The following BRINP3 variants were observed in gnomAD, a reference collection of about 807,000 sequenced individuals.
BRINP3 encodes the protein BMP/retinoic acid inducible neural specific 3.
In BRINP3, 19 loss-of-function variants were observed where a neutral mutation model predicts 71.0. The observed-to-expected ratio is 0.27, with a 90% CI of 0.19 to 0.39. BRINP3 has a LOEUF of 0.39. Ranked by LOEUF, BRINP3 falls within the 10% of genes least tolerant of loss-of-function variation. The pLI, the probability that BRINP3 is intolerant of heterozygous loss-of-function variation, is 1.00. For missense variants in BRINP3, 959 were observed against 940.8 expected, an observed-to-expected ratio of 1.02 and a Z score of -0.25; for synonymous variants, 380 against 337.7, an observed-to-expected ratio of 1.13 and a Z score of -1.37.
chr1:190,151,537 C>A (rs897760403), intron 7 of BRINP3, among the ~76,000 whole-genome samples: 13 of 152,138 alleles, frequency 8.5e-5, no homozygotes, highest in African/African-American at 3.1e-4. Flanking sequence ...CTTAAAGTAA[C>A]TCTCTCTATA....
intron 2 of BRINP3, among the ~76,000 whole-genome samples, chr1:190,396,848 C>A (rs1225423069): frequency 3.4e-5 from 5 of 148,644 alleles, no homozygotes; most frequent in East Asian, 2.0e-4. Flanking sequence ...AAAAGGACAA[C>A]CAAATTGATG....
At chr1:190,366,312 C>T (rs1040537418) in intron 2 of BRINP3, among the ~76,000 whole-genome samples, 3 of 152,046 alleles carry the variant, frequency 2.0e-5, no homozygotes, top group South Asian at 2.1e-4. Context: ...AAGTGCTGAG[C>T]AAAGGGGGAA....
At chr1:190,126,122 T>G (rs1354624380) in intron 7 of BRINP3, among the ~76,000 whole-genome samples, 1 of 152,004 alleles carries the variant, frequency 6.6e-6, no homozygotes, top group African/African-American at 2.4e-5. Context: ...GATGTTTCCA[T>G]TCATTGATAA....
At chr1:190,222,830 A>C (rs1571406092) in intron 6 of BRINP3, among the ~76,000 whole-genome samples, 1 of 151,890 alleles carries the variant, frequency 6.6e-6, no homozygotes, top group South Asian at 2.1e-4. Context: ...TCAGAAATGA[A>C]AAAGGAGACA....
intron 2 of BRINP3, among the ~76,000 whole-genome samples, chr1:190,430,922 C>T: frequency 6.6e-6 from 1 of 151,868 alleles, no homozygotes; most frequent in East Asian, 1.9e-4. Context: ...CTACTTAAAT[C>T]TGTTTATCCT....
At chr1:190,433,170 G>T (rs1674216969) in intron 2 of BRINP3, among the ~76,000 whole-genome samples, 1 of 152,020 alleles carries the variant, frequency 6.6e-6, no homozygotes, top group South Asian at 2.1e-4. Flanking sequence ...ACTTTTCATA[G>T]ACCACTGCAA....
intron 2 of BRINP3, among the ~76,000 whole-genome samples, chr1:190,416,425 G>A (rs1396838697): frequency 6.6e-6 from 1 of 152,034 alleles, no homozygotes; most frequent in East Asian, 1.9e-4. Context: ...ATTTACACTA[G>A]GCATAACTGC....
At chr1:190,408,500 A>C (rs766084287) in intron 2 of BRINP3, among the ~76,000 whole-genome samples, 17 of 152,132 alleles carry the variant, frequency 1.1e-4, no homozygotes, top group Non-Finnish European at 2.4e-4. Context: ...GGAGAATTGA[A>C]CTATACTCTT....
intron 2 of BRINP3, among the ~76,000 whole-genome samples, chr1:190,443,866 T>A (rs1320112117): frequency 6.6e-6 from 1 of 152,134 alleles, no homozygotes; most frequent in Non-Finnish European, 1.5e-5. Context: ...CAATGACTAA[T>A]CTGAATTAAG....
intron 2 of BRINP3, among the ~76,000 whole-genome samples, chr1:190,286,992 A>G (rs991523408): frequency 5.3e-5 from 8 of 151,330 alleles, no homozygotes; most frequent in Non-Finnish European, 1.2e-4. Context: ...GCTGAGGCGG[A>G]CGGATCACTT....
chr1:190,219,621 C>T (rs534134292), intron 6 of BRINP3, among the ~76,000 whole-genome samples: 5 of 151,672 alleles, frequency 3.3e-5, no homozygotes, highest in Non-Finnish European at 7.4e-5. Context: ...GGGTGGATCA[C>T]GAGGTCAAGA....
At chr1:190,250,519 T>G (rs547137594) in intron 4 of BRINP3, among the ~76,000 whole-genome samples, 6 of 152,096 alleles carry the variant, frequency 3.9e-5, no homozygotes, top group African/African-American at 1.2e-4. Flanking sequence ...GATAAGCCTG[T>G]CCTTTATGTC....
chr1:190,252,774 T>TTTATTATTATTA (rs368050022), intron 4 of BRINP3, among the ~76,000 whole-genome samples: 1 of 150,808 alleles, frequency 6.6e-6, no homozygotes, highest in African/African-American at 2.4e-5. Context: ...CAGATGCTAG[T>TTTATTATTATTA]TTATTATTAT....
intron 2 of BRINP3, among the ~76,000 whole-genome samples, chr1:190,385,194 C>A (rs1358186503): frequency 2.0e-5 from 3 of 151,966 alleles, no homozygotes; most frequent in Non-Finnish European, 4.4e-5. Flanking sequence ...TCTAAAACAC[C>A]AAAAGCAATG....
At chr1:190,350,876 G>T (rs1198876548) in intron 2 of BRINP3, among the ~76,000 whole-genome samples, 3 of 148,360 alleles carry the variant, frequency 2.0e-5, no homozygotes, top group Non-Finnish European at 4.4e-5. Context: ...AGGCTAGAAT[G>T]CAATGGTGCA....
At chr1:190,381,952 T>C (rs1232569387) in intron 2 of BRINP3, among the ~76,000 whole-genome samples, 1 of 152,198 alleles carries the variant, frequency 6.6e-6, no homozygotes, top group African/African-American at 2.4e-5. Flanking sequence ...CATAAAATTA[T>C]AGCTACAAAG....
rs1558160701 is a variant in BRINP3, at chr1:190,301,210, T to TATATATATACACACATAC, written c.237-19461_237-19460insGTATGTGTGTATATATAT. Among the ~76,000 whole-genome samples the TATATATATACACACATAC allele has an allele frequency of 2.6e-3, 285 of 107,816 alleles. 2 individuals are homozygous for TATATATATACACACATAC. The highest frequency in any genetic ancestry group is 0.012 in the Middle Eastern group (2 of 166). The allele number at this position is 107,816 out of a possible 152,430, so 70.7% of individuals were successfully genotyped here. On this transcript the variant is annotated intron_variant, in intron 2 of 7. Transcript: ENST00000367462. ...ATGTATATATATACACATACATATA[T>TATATATATACACACATAC]ATATATATATATATATATATATATA...
rs534143585 is a variant in BRINP3 at position 190,101,871 on chromosome 1, C to G, written c.1185-2737G>C. On this transcript the variant is annotated intron_variant, in intron 7 of 7. Transcript: ENST00000367462. Reference sequence around the variant, plus strand: ...GAATCATTTGGACACTTTAGAAAAGCAAGAACTTTTTTCAGCTTTCTGTCT... The same window carrying G: ...GAATCATTTGGACACTTTAGAAAAGGAAGAACTTTTTTCAGCTTTCTGTCT... Among the ~76,000 whole-genome samples, 438 of 152,238 alleles carry G rather than the reference C, an allele frequency of 2.9e-3. 1 individual carries two copies. Among genetic ancestry groups the G allele is most frequent in the African/African-American group, 0.01 (427 of 41,562 alleles).
chr1:190,440,444 CTT>C (rs1674743312), intron 2 of BRINP3, among the ~76,000 whole-genome samples: 1 of 151,802 alleles, frequency 6.6e-6, no homozygotes, highest in South Asian at 2.1e-4. Flanking sequence ...TATTTAGAAA[CTT>C]TTAATTTCTA....
Sources: gnomAD v4.1 joint callset for allele counts (sites outside exome capture counted in the v4.1 genomes callset) on GRCh38, gnomAD v4.1.1 for gene constraint, MANE v1.5 for transcripts, NCBI Gene and HGNC (gene_info 2026-07-23, HGNC 2026-07-21) for gene names.